SETBP1: variants seen among roughly 807,000 people sequenced by gnomAD.
The protein encoded by SETBP1 is SET-binding protein.
SETBP1 carries 9 observed loss-of-function variants against 101.0 expected under a neutral mutation model. The ratio of observed to expected loss-of-function variants is 0.09; its 90% CI spans 0.05 to 0.16. The LOEUF (loss-of-function observed/expected upper bound fraction) is 0.16, where lower values mean the gene tolerates loss of function less well. Ranked by LOEUF, SETBP1 falls within the 10% of genes least tolerant of loss-of-function variation. SETBP1 has a pLI of 1.00. For synonymous variants in SETBP1, 818 were observed against 788.5 expected (o/e 1.04, Z -0.63); for missense variants, 1,858 against 2,033.8 (o/e 0.91, Z 1.66).
chr18:44,942,025 T>C (rs2071099484), intron 3 of SETBP1, among the ~76,000 whole-genome samples: 2 of 152,220 alleles, frequency 1.3e-5, no homozygotes, highest in South Asian at 4.1e-4. Context: ...GGATGCTATA[T>C]AAACTGATTT....
In SETBP1 at chr18:44,952,613, A is replaced by C. The variant is rs749729269; in HGVS notation, c.3273A>C (p.Pro1091=). ...AASPFMRPTV[P]PPQFHTNSHV... ...CCCCATTCATGAGGCCAACAGTGCC[A>C]CCACCTCAGTTCCACACAAACTCCC... is the stretch of plus-strand genomic sequence containing the variant. The change falls in exon 4 of 6, where the codon CCA becomes CCC. Residue 1091 remains proline (P), a synonymous_variant. Transcript: ENST00000649279. The C allele has an allele frequency of 6.2e-7, 1 of 1,613,216 alleles. No individual in the cohort carries two copies.
chr18:44,770,255 G>C (rs79665749), intron 2 of SETBP1, among the ~76,000 whole-genome samples: 399 of 152,346 alleles, frequency 2.6e-3, no homozygotes, highest in African/African-American at 8.8e-3. Flanking sequence ...GGATGAGAGA[G>C]AGCATAGAGC....
intron 4 of SETBP1, among the ~76,000 whole-genome samples, chr18:44,985,744 T>C (rs2065709376): frequency 6.6e-6 from 1 of 152,220 alleles, no homozygotes; most frequent in African/African-American, 2.4e-5. Context: ...TTTAGGGCTA[T>C]GAATTCTCCA....
At chr18:44,700,127 C>T (rs1341812988) in intron 1 of SETBP1, among the ~76,000 whole-genome samples, 2 of 152,090 alleles carry the variant, frequency 1.3e-5, no homozygotes, top group Non-Finnish European at 2.9e-5. Flanking sequence ...TGAGACTGAG[C>T]GTTTGGGCTT....
chr18:44,842,791 C>A (rs1181331846), intron 2 of SETBP1, among the ~76,000 whole-genome samples: 2 of 152,238 alleles, frequency 1.3e-5, no homozygotes, highest in Admixed American at 1.3e-4. Flanking sequence ...TCCATTTGGA[C>A]ACCCTGCTTA....
intron 3 of SETBP1, among the ~76,000 whole-genome samples, chr18:44,897,247 T>C (rs1328988362): frequency 6.6e-6 from 1 of 152,192 alleles, no homozygotes; most frequent in Admixed American, 6.5e-5. Context: ...ATAACTCACT[T>C]GGGCTGCTTC....
At chr18:44,863,359 CTT>C (rs1251175024) in intron 2 of SETBP1, among the ~76,000 whole-genome samples, 1 of 152,212 alleles carries the variant, frequency 6.6e-6, no homozygotes, top group Admixed American at 6.5e-5. Context: ...GGGTAAGTCA[CTT>C]TATCTTTCTG....
intron 3 of SETBP1, among the ~76,000 whole-genome samples, chr18:44,914,620 G>A (rs759148985): frequency 1.2e-4 from 19 of 152,154 alleles, no homozygotes; most frequent in African/African-American, 1.9e-4. Flanking sequence ...ATCAAATGAT[G>A]GTGGGAGGTG....
chr18:45,052,553 T>G (rs1169018415), intron 5 of SETBP1, among the ~76,000 whole-genome samples: 1 of 152,178 alleles, frequency 6.6e-6, no homozygotes, highest in Non-Finnish European at 1.5e-5. Flanking sequence ...TTTTCCCTAT[T>G]CAACATCAGA....
chr18:44,821,346 A>G (rs1339908806), intron 2 of SETBP1, among the ~76,000 whole-genome samples: 1 of 152,178 alleles, frequency 6.6e-6, no homozygotes, highest in African/African-American at 2.4e-5. Flanking sequence ...ATCTGTCATT[A>G]TGGTCACATC....
At chr18:44,986,456 T>C (rs2072236029) in intron 4 of SETBP1, 1 of 152,226 alleles carries the variant, frequency 6.6e-6, no homozygotes, top group Non-Finnish European at 1.5e-5. Flanking sequence ...AAAAAATTTC[T>C]TTCTTCATTA....
chr18:44,935,487 A>C (rs983619930), intron 3 of SETBP1, among the ~76,000 whole-genome samples: 16 of 152,230 alleles, frequency 1.1e-4, no homozygotes, highest in African/African-American at 3.9e-4. Flanking sequence ...TTCTGCCTGC[A>C]TGACTGTCTC....
chr18:44,953,209 A>G lies in SETBP1; in HGVS notation c.3869A>G (p.Lys1290Arg), dbSNP rs1474521535. Residue 1290 changes from lysine to arginine, a missense_variant, in exon 4 of 6, where the codon AAG becomes AGG. By Grantham distance (26) the Lys-to-Arg change is conservative. Transcript: ENST00000649279. ...AGTGAAATGAACCCTTCGAATGACA[A>G]GTGGGACAGTGACGTGAGTGGGAGT... ...VFSEMNPSND[K>R]WDSDVSGSKR... 2 of 1,614,008 alleles carry G rather than the reference A, an allele frequency of 1.2e-6. No individual in the cohort carries two copies. The highest frequency in any genetic ancestry group is 1.3e-5 in the African/African-American group (1 of 74,890).
intron 2 of SETBP1, among the ~76,000 whole-genome samples, chr18:44,827,121 A>G (rs1284415954): frequency 6.6e-6 from 1 of 152,192 alleles, no homozygotes; most frequent in African/African-American, 2.4e-5. Context: ...GACATGTTCT[A>G]TTTGATGACA....
chr18:44,833,090 CCCA>C (rs1251629096), intron 2 of SETBP1, among the ~76,000 whole-genome samples: 74 of 152,284 alleles, frequency 4.9e-4, no homozygotes, highest in African/African-American at 1.6e-3. Context: ...AGTCTAAGAG[CCCA>C]CAGGCTGGGC....
At chr18:44,776,734 T>C (rs2071012342) in intron 2 of SETBP1, among the ~76,000 whole-genome samples, 1 of 152,260 alleles carries the variant, frequency 6.6e-6, no homozygotes, top group Non-Finnish European at 1.5e-5. Flanking sequence ...CCCAGGGAGA[T>C]AATATCCTAG....
intron 2 of SETBP1, among the ~76,000 whole-genome samples, chr18:44,703,477 G>A (rs1479758282): frequency 7.5e-5 from 11 of 145,790 alleles, no homozygotes; most frequent in Middle Eastern, 3.6e-3. Context: ...TCCTTATACC[G>A]GGTGTTGTGG....
At chr18:44,764,932 C>G (rs920243024) in intron 2 of SETBP1, among the ~76,000 whole-genome samples, 1 of 152,244 alleles carries the variant, frequency 6.6e-6, no homozygotes, top group Non-Finnish European at 1.5e-5. Context: ...GTGCCTAGAA[C>G]ATAGTGCCTG....
At chr18:44,875,588 A>T (rs1460181886) in intron 3 of SETBP1, among the ~76,000 whole-genome samples, 1 of 148,332 alleles carries the variant, frequency 6.7e-6, no homozygotes, top group Admixed American at 6.7e-5. Context: ...TTTCCAGGGC[A>T]CTGAGCCTCG....
Sources: gnomAD v4.1 joint callset for allele counts (sites outside exome capture counted in the v4.1 genomes callset) on GRCh38, gnomAD v4.1.1 for gene constraint, MANE v1.5 for transcripts, NCBI Gene and HGNC (gene_info 2026-07-23, HGNC 2026-07-21) for gene names.